The following IGSF8 variants were observed in gnomAD, a reference collection of about 807,000 sequenced individuals.
IGSF8 encodes immunoglobulin superfamily member 8.
A neutral mutation model predicts 55.5 loss-of-function variants in IGSF8; 46 were observed. That is an observed-to-expected ratio of 0.83 (90% CI 0.65 to 1.06). The LOEUF is 1.06. Among genes scored for constraint, IGSF8 ranks in the 50% least tolerant of loss-of-function variants. The pLI is 0.00. For synonymous variants in IGSF8, 314 were observed against 356.1 expected (o/e 0.88, Z 1.33); for missense variants, 731 against 832.3 (o/e 0.88, Z 1.50).
At chr1:160,098,670 G>GT (rs1299733039), upstream of IGSF8, 2 of 532,404 alleles carry the variant, frequency 3.8e-6, no homozygotes, top group Non-Finnish European at 6.6e-6. Context: ...CGGCAGTTCT[G>GT]AAACCATTCT....
Position 160,092,290 on chromosome 1 carries a change from T to C in IGSF8, c.1718A>G (p.Tyr573Cys), listed in dbSNP as rs767132825. The change falls in exon 5 of 7, where the codon TAC (tyrosine) becomes TGC (cysteine). Residue 573 changes from tyrosine (Y) to cysteine (C), a missense_variant. Physicochemically the swap from Tyr to Cys is radical, Grantham distance 194. Transcript: ENST00000314485. ...ARSGPVTVYP[Y>C]MHALDTLFVP... is the part of the protein sequence containing the mutation. ...GAGGGGGTGTCACTCACCATGCATG[T>C]AGGGGTAGACTGTAACAGGCCCTGA... The C allele has an allele frequency of 6.2e-7, 1 of 1,613,882 alleles. No homozygotes were observed. The highest frequency in any genetic ancestry group is 1.1e-5 in the South Asian group (1 of 91,082).
intron 1 of IGSF8, among the ~76,000 whole-genome samples, chr1:160,096,242 C>A (rs922731509): frequency 9.2e-5 from 14 of 152,128 alleles, no homozygotes; most frequent in Non-Finnish European, 1.8e-4. Context: ...GATCACAGAA[C>A]CTCAATGTAA....
Position 160,098,612 on chromosome 1 carries a change from T to A in IGSF8, c.-140A>T. 1.7e-6 allele frequency: 1 copy of A among 580,552 alleles called. No individual in the cohort carries two copies. The highest frequency in any genetic ancestry group is 2.1e-5 in the South Asian group (1 of 47,314). 36.0% of individuals were successfully genotyped at this position (580,552 alleles called of 1,614,324 possible). A position where few individuals can be genotyped will look rare whatever the true frequency, so the allele number is the denominator to read the frequency against. ...TGCGCCGAGCGAGCTGAACTGGAGC[T>A]GCCGAATCCCCTCCCTCCGCCCCTC... On this transcript the variant is annotated 5_prime_UTR_variant, in exon 1 of 7. Coordinates refer to ENST00000314485, the MANE Select transcript of IGSF8 (RefSeq NM_052868.6).
chr1:160,098,803 C>G, upstream of IGSF8: 1 of 228,292 alleles, frequency 4.4e-6, no homozygotes, highest in East Asian at 9.1e-5. Context: ...CCGCACCTGG[C>G]CCCGGCCCCG....
rs116953916 is a variant in IGSF8 at position 160,096,027 on chromosome 1, A to G, written c.65-781T>C. ...AAGCCTTCATTTGCACATGGTATGC[A>G]TTCATTTACATATATGGCTCTCTTT... On this transcript the variant is annotated intron_variant, in intron 1 of 6. Coordinates refer to ENST00000314485, the MANE Select transcript of IGSF8 (RefSeq NM_052868.6). Among the ~76,000 whole-genome samples the G allele has an allele frequency of 2.6e-4, 39 of 152,312 alleles. No homozygotes were observed. The East Asian group carries it at 6.2e-3, about 24-fold the overall frequency.
Position 160,095,259 on chromosome 1 carries a change from G to T in IGSF8, c.65-13C>A, listed in dbSNP as rs780947454. 6.3e-7 allele frequency: 1 copy of T among 1,592,740 alleles called. No homozygotes were observed. Among genetic ancestry groups the T allele is most frequent in the Admixed American group, 1.7e-5 (1 of 59,612 alleles). On this transcript the variant is annotated splice_polypyrimidine_tract_variant and intron_variant, in intron 1 of 6. Transcript: ENST00000314485. The stretch of plus-strand genomic sequence containing the variant: ...CAGCATCCCATTCCTGTAGGGAAAG[G>T]CAGAAGGAGTTGGAGATGCCTGGTT...
chr1:160,093,953 C>T lies in IGSF8; in HGVS notation c.661G>A (p.Gly221Arg). 1 of 1,614,268 alleles carries T rather than the reference C, an allele frequency of 6.2e-7. No homozygotes were observed. The stretch of plus-strand genomic sequence containing the variant: ...TCCACGGCCAAGTCTGACCGGATTC[C>T]CACCACTTCCTGCAGAGTTGACCGC... The part of the protein sequence containing the change: ...VGRSTLQEVV[G>R]IRSDLAVEAG... The change falls in exon 3 of 7, where the codon GGA (glycine) becomes AGA (arginine). Residue 221 changes from glycine (G) to arginine (R), a missense_variant. Physicochemically the swap from Gly to Arg is moderately radical, Grantham distance 125 (BLOSUM62 -2). Transcript: ENST00000314485.
Position 160,091,851 on chromosome 1 carries a change from C to T in IGSF8, c.1814G>A (p.Cys605Tyr), listed in dbSNP as rs761744507. The T allele has an allele frequency of 6.2e-7, 1 of 1,613,828 alleles. No individual in the cohort carries two copies. Among genetic ancestry groups the T allele is most frequent in the Non-Finnish European group, 8.5e-7 (1 of 1,179,788 alleles). The change falls in exon 6 of 7, where the codon TGC becomes TAC. Residue 605 changes from cysteine to tyrosine, a missense_variant. Physicochemically the swap from Cys to Tyr is radical, Grantham distance 194. Transcript: ENST00000314485. ...GATVLGTITCCFMKRLRKR is the reference protein window; with the variant it reads ...GATVLGTITCYFMKRLRKR ...CCGTTTTCGAAGCCTCTTCATGAAG[C>T]AGCAAGTGATGGTACCAAGGACAGT...
At chr1:160,091,705 G>A (rs1649964616) in intron 6 of IGSF8, 97 bp from the exon 7 acceptor site, 1 of 759,520 alleles carries the variant, frequency 1.3e-6, no homozygotes, top group Admixed American at 1.9e-5. Context: ...GATCTGAGCT[G>A]CCTACTCCTC....
In IGSF8 at chr1:160,093,261, C is replaced by G. The variant is rs1252283220; in HGVS notation, c.975G>C (p.Leu325=). The change falls in exon 4 of 7, where the codon CTG becomes CTC. Residue 325 remains leucine, a synonymous_variant. Transcript: ENST00000314485. The stretch of plus-strand genomic sequence containing the variant: ...GGGGAAGTGCCCCTGACACATTGCA[C>G]AGCAGTTCCAAGGGCTCCCCTGGGC... ...RIGPGEPLEL[L]CNVSGALPPA... 6.2e-7 allele frequency: 1 copy of G among 1,613,522 alleles called. No homozygotes were observed. Among genetic ancestry groups the G allele is most frequent in the Non-Finnish European group, 8.5e-7 (1 of 1,179,624 alleles).
intron 3 of IGSF8, 124 bp downstream of exon 3, chr1:160,093,586 C>T: frequency 2.3e-6 from 2 of 860,738 alleles, no homozygotes; most frequent in Non-Finnish European, 3.5e-6. Flanking sequence ...CAAGGCTGCT[C>T]ACTCTGTGGA....
intron 3 of IGSF8, 59 bp downstream of exon 3, chr1:160,093,650 GT>G: frequency 7.2e-7 from 1 of 1,394,870 alleles, no homozygotes; most frequent in Non-Finnish European, 9.8e-7. Context: ...TGTGGCCACA[GT>G]GCCCACCAGG....
chr1:160,091,729 C>T (rs1288333421), intron 6 of IGSF8, 79 bp downstream of exon 6: 1 of 905,338 alleles, frequency 1.1e-6, no homozygotes, highest in Non-Finnish European at 1.8e-6. Flanking sequence ...CAGGTGGGGC[C>T]TGGGAGGGAG....
At chr1:160,096,798 G>A (rs534109316) in intron 1 of IGSF8, among the ~76,000 whole-genome samples, 12 of 152,194 alleles carry the variant, frequency 7.9e-5, no homozygotes, top group African/African-American at 1.7e-4. Flanking sequence ...GTGTGAGTGC[G>A]TATGTGACTC....
At position 160,092,549 on chromosome 1, in the gene IGSF8, C is replaced by T. The variant is rs760557003; in HGVS notation, c.1459G>A (p.Gly487Arg). 6.2e-6 allele frequency: 10 copies of T among 1,611,862 alleles called. No homozygotes were observed. Among genetic ancestry groups the T allele is most frequent in the South Asian group, 1.1e-5 (1 of 91,032 alleles). ...ASWWVERPED[G>R]ELSSVPAQLV... ...TGGGCAGGGACAGAGCTGAGCTCTC[C>T]GTCCTCTGGTCGCTCCACCCACCAG... Residue 487 changes from glycine (G) to arginine (R), a missense_variant, in exon 5 of 7, where the codon GGA becomes AGA. Gly to Arg is a moderately radical substitution (Grantham distance 125). Coordinates refer to ENST00000314485, the MANE Select transcript of IGSF8 (RefSeq NM_052868.6).
In IGSF8 at chr1:160,094,787, G is replaced by A; in HGVS notation, c.442+82C>T. On this transcript the variant is annotated intron_variant, in intron 2 of 6. Coordinates refer to ENST00000314485, the MANE Select transcript of IGSF8 (RefSeq NM_052868.6). The surrounding 1 kb of genome is among the most constrained non-coding windows in gnomAD (Gnocchi z 4.0). The stretch of plus-strand genomic sequence containing the variant: ...AAGTTCCTTGGCTACAAAACCTAAG[G>A]GGCAACTAGATAGGTCACTTGTGGC... The A allele has an allele frequency of 6.9e-7, 1 of 1,448,786 alleles. No homozygotes were observed. The highest frequency in any genetic ancestry group is 9.3e-7 in the Non-Finnish European group (1 of 1,071,108). 89.7% of individuals were successfully genotyped at this position (1,448,786 alleles called of 1,614,324 possible).
intron 1 of IGSF8, 103 bp from the exon 2 acceptor site, chr1:160,095,349 G>A (rs549912998): frequency 2.4e-6 from 3 of 1,229,664 alleles, no homozygotes; most frequent in South Asian, 3.1e-5. Flanking sequence ...AAGGAAAGGA[G>A]ACCTGGGAAA....
intron 5 of IGSF8, 28 bp from the exon 6 acceptor site, chr1:160,091,966 G>A (rs775419467): frequency 1.4e-6 from 2 of 1,461,850 alleles, no homozygotes; most frequent in Admixed American, 1.7e-5. Context: ...ACTGTTCAGA[G>A]AGGATGCCAT....
chr1:160,091,463 A>C lies in IGSF8; in HGVS notation c.*161T>G. ...GCCAGAGGGAGGGGCTTGGGAGGGA[A>C]GGAGTGGGGAAGGGGAGGCACGTCT... On this transcript the variant is annotated 3_prime_UTR_variant, in exon 7 of 7. Transcript: ENST00000314485. The C allele has an allele frequency of 3.7e-5, 9 of 241,004 alleles. No homozygotes were observed. Among genetic ancestry groups the C allele is most frequent in the East Asian group, 1.1e-4 (1 of 9,162 alleles). 14.9% of individuals were successfully genotyped at this position (241,004 alleles called of 1,614,324 possible).
Sources: gnomAD v4.1 joint callset for allele counts (sites outside exome capture counted in the v4.1 genomes callset) on GRCh38, gnomAD v4.1.1 for gene constraint, Gnocchi (gnomAD v3.1) non-coding constraint, MANE v1.5 for transcripts, NCBI Gene and HGNC (gene_info 2026-07-23, HGNC 2026-07-21) for gene names.